BEND7: variants seen among roughly 807,000 people sequenced by gnomAD.
BEND7 encodes BEN domain containing 7.
BEND7 carries 28 observed loss-of-function variants against 50.9 expected under a neutral mutation model. The ratio of observed to expected loss-of-function variants is 0.55; its 90% CI spans 0.41 to 0.75. The LOEUF (loss-of-function observed/expected upper bound fraction) is 0.75, where lower values mean the gene tolerates loss of function less well. Ranked by LOEUF, BEND7 falls within the 30% of genes least tolerant of loss-of-function variation. The probability of loss-of-function intolerance (pLI) is 0.00; values close to 1 mark genes in which losing one functional copy is unlikely to be tolerated. For missense variants in BEND7, 477 were observed against 491.3 expected (o/e 0.97, Z 0.28); for synonymous variants, 170 against 183.9 (o/e 0.92, Z 0.61).
chr10:13,451,417 G>A (rs1469829834), intron 7 of BEND7, among the ~76,000 whole-genome samples: 1 of 150,006 alleles, frequency 6.7e-6, no homozygotes, highest in Non-Finnish European at 1.5e-5. Flanking sequence ...GTGTAGATAG[G>A]GTCTCCACAA....
intron 2 of BEND7, chr10:13,500,651 G>A (rs1454883108): frequency 1.6e-5 from 16 of 985,946 alleles, no homozygotes; most frequent in Non-Finnish European, 1.8e-5. Flanking sequence ...ATGTCCTCCA[G>A]GATGACACGC....
At chr10:13,524,380 C>T (rs868211951) in intron 2 of BEND7, among the ~76,000 whole-genome samples, 1 of 152,116 alleles carries the variant, frequency 6.6e-6, no homozygotes, top group Non-Finnish European at 1.5e-5. Context: ...CGGTGGCTCA[C>T]GCCTGTAATC....
At chr10:13,459,712 G>A (rs1308398224) in intron 6 of BEND7, 1 of 152,222 alleles carries the variant, frequency 6.6e-6, no homozygotes, top group African/African-American at 2.4e-5. Flanking sequence ...ATACTTGGTT[G>A]ATACATCAAC....
chr10:13,481,163 T>G (rs752011041), intron 5 of BEND7, 39 bp from the exon 6 acceptor site: 2 of 1,599,758 alleles, frequency 1.3e-6, no homozygotes, highest in African/African-American at 2.7e-5. Flanking sequence ...AAAGCAAGAT[T>G]TGAAGCATCT....
intron 6 of BEND7, among the ~76,000 whole-genome samples, chr10:13,463,901 G>A (rs1251362401): frequency 6.6e-6 from 1 of 152,208 alleles, no homozygotes; most frequent in Non-Finnish European, 1.5e-5. Context: ...GAAATTCACA[G>A]AGGAAAAATA....
intron 8 of BEND7, 34 bp from the exon 9 acceptor site, chr10:13,441,784 G>A: frequency 6.2e-7 from 1 of 1,602,460 alleles, no homozygotes; most frequent in Non-Finnish European, 8.5e-7. Flanking sequence ...GTCAGGAACG[G>A]GATTACTTAC....
At chr10:13,529,631 C>A (rs73572343), upstream of BEND7, among the ~76,000 whole-genome samples, 1 of 152,070 alleles carries the variant, frequency 6.6e-6, no homozygotes, top group African/African-American at 2.4e-5. Flanking sequence ...AGGTGCAGGG[C>A]ACTATGCTTC....
At chr10:13,470,656 A>G (rs1482698143) in intron 6 of BEND7, among the ~76,000 whole-genome samples, 1 of 151,996 alleles carries the variant, frequency 6.6e-6, no homozygotes, top group East Asian at 1.9e-4. Flanking sequence ...CCCTTTTTTG[A>G]GCTTATGGAA....
chr10:13,503,496 C>T (rs139068509), intron 2 of BEND7, among the ~76,000 whole-genome samples: 1 of 152,206 alleles, frequency 6.6e-6, no homozygotes, highest in East Asian at 1.9e-4. Flanking sequence ...GTGGATCACC[C>T]GAGATCTGGA....
At chr10:13,498,261 G>C (rs1208425298) in intron 3 of BEND7, among the ~76,000 whole-genome samples, 1 of 151,858 alleles carries the variant, frequency 6.6e-6, no homozygotes, top group Non-Finnish European at 1.5e-5. Flanking sequence ...TTTTTTAGTA[G>C]TGATGGGGTT....
At chr10:13,507,586 T>C (rs1482569436) in intron 2 of BEND7, among the ~76,000 whole-genome samples, 2 of 152,226 alleles carry the variant, frequency 1.3e-5, no homozygotes, top group Non-Finnish European at 2.9e-5. Context: ...TAATTATCTC[T>C]AAATATACTA....
rs1414710229 is a variant in BEND7, at chr10:13,492,857, T to C, written c.591A>G (p.Gln197=). The C allele has an allele frequency of 1.4e-5, 22 of 1,600,072 alleles. 1 individual carries two copies. The highest frequency in any genetic ancestry group is 1.4e-4 in the African/African-American group (10 of 73,660). ...AGCATATAAGGGAAATTGGAGGTTG[T>C]TGTCTGTTTTGAGTTCCAACTGCGA... ...QIQAVGTQNR[Q]QPPISLICSQ... Residue 197 remains glutamine, a synonymous_variant, in exon 5 of 9, where the codon CAA becomes CAG. Transcript: ENST00000466271.
chr10:13,504,487 A>T (rs1468997895), intron 2 of BEND7, among the ~76,000 whole-genome samples: 1 of 152,184 alleles, frequency 6.6e-6, no homozygotes, highest in Non-Finnish European at 1.5e-5. Flanking sequence ...TCATAGTGGA[A>T]TCCAAGTTCT....
intron 1 of BEND7, among the ~76,000 whole-genome samples, 161 bp downstream of exon 1, chr10:13,528,312 G>A (rs11258438): frequency 0.51 from 76,369 of 151,150 alleles, 20,893 homozygotes; most frequent in East Asian, 0.91. Context: ...CCCGCCGCCC[G>A]GCGTGTGCGG....
chr10:13,512,911 T>A (rs1407679509), intron 2 of BEND7, among the ~76,000 whole-genome samples: 1 of 152,216 alleles, frequency 6.6e-6, no homozygotes, highest in African/African-American at 2.4e-5. Flanking sequence ...GTGAGTCTCG[T>A]GGGAAATCTC....
At chr10:13,465,081 G>A (rs1443392857) in intron 6 of BEND7, among the ~76,000 whole-genome samples, 2 of 152,176 alleles carry the variant, frequency 1.3e-5, no homozygotes, top group South Asian at 4.1e-4. Flanking sequence ...CAGAGATCAC[G>A]TCTTCCATTC....
At chr10:13,487,253 G>A (rs951946706) in intron 5 of BEND7, among the ~76,000 whole-genome samples, 3 of 152,068 alleles carry the variant, frequency 2.0e-5, no homozygotes, top group Non-Finnish European at 4.4e-5. Context: ...CAAAAACCAC[G>A]GCTCAGAGAA....
intron 2 of BEND7, chr10:13,502,728 C>T (rs1263573984): frequency 6.1e-6 from 1 of 165,086 alleles, no homozygotes; most frequent in Non-Finnish European, 1.3e-5. Flanking sequence ...CCCTCCCCAT[C>T]AGGCCGGGTA....
intron 6 of BEND7, among the ~76,000 whole-genome samples, chr10:13,456,824 C>T (rs1473792983): frequency 2.0e-5 from 3 of 152,138 alleles, no homozygotes; most frequent in African/African-American, 7.2e-5. Context: ...CATTAGCTTA[C>T]AAATTTAGGC....
Sources: gnomAD v4.1 joint callset for allele counts (sites outside exome capture counted in the v4.1 genomes callset) on GRCh38, gnomAD v4.1.1 for gene constraint, MANE v1.5 for transcripts, NCBI Gene and HGNC (gene_info 2026-07-23, HGNC 2026-07-21) for gene names.